GALNT14: variants seen among roughly 807,000 people sequenced by gnomAD.
GALNT14 encodes the protein UDP-GalNAc:polypeptide N-acetylgalactosaminyltransferase 14.
In GALNT14, 60 loss-of-function variants were observed where a neutral mutation model predicts 77.5. The observed-to-expected ratio is 0.77, with a 90% CI of 0.63 to 0.96. The LOEUF is 0.96. Among genes scored for constraint, GALNT14 ranks in the 40% least tolerant of loss-of-function variants. The probability of loss-of-function intolerance (pLI) is 0.00; values close to 1 mark genes in which losing one functional copy is unlikely to be tolerated. For missense variants in GALNT14, 710 were observed against 731.0 expected, an observed-to-expected ratio of 0.97 and a Z score of 0.33; for synonymous variants, 280 against 281.7, an observed-to-expected ratio of 0.99 and a Z score of 0.06.
chr2:31,018,896 G>A (rs990484228), intron 1 of GALNT14, among the ~76,000 whole-genome samples: 5 of 152,192 alleles, frequency 3.3e-5, no homozygotes, highest in South Asian at 4.1e-4. Context: ...GCCCTGCAGA[G>A]CACAGAGAGC....
chr2:31,067,268 T>C (rs2148555024), intron 1 of GALNT14, among the ~76,000 whole-genome samples: 1 of 152,228 alleles, frequency 6.6e-6, no homozygotes, highest in African/African-American at 2.4e-5. Flanking sequence ...AGCAGGAACC[T>C]CTGAACTTCC....
At position 31,020,273 on chromosome 2, in the gene GALNT14, T is replaced by C. The variant is rs77106253; in HGVS notation, c.130-27266A>G. Among the ~76,000 whole-genome samples, 1,129 of 152,258 alleles carry C rather than the reference T, an allele frequency of 7.4e-3. 15 individuals are homozygous for C. The highest frequency in any genetic ancestry group is 0.026 in the African/African-American group (1,080 of 41,514). On this transcript the variant is annotated intron_variant, in intron 1 of 14. Transcript: ENST00000349752. ...TTTAATTATGTTCATTAAAAGGAGA[T>C]TGAACCAAAAATGAAGCTCAATGGA...
intron 1 of GALNT14, among the ~76,000 whole-genome samples, chr2:31,123,687 T>G (rs770384017): frequency 6.6e-6 from 1 of 152,184 alleles, no homozygotes. Context: ...AGATTAAACT[T>G]CAACCACAGT....
At chr2:30,909,304 T>C (rs941039796), downstream of GALNT14, among the ~76,000 whole-genome samples, 2 of 150,742 alleles carry the variant, frequency 1.3e-5, no homozygotes, top group Non-Finnish European at 3.0e-5. Context: ...TTTCGCAACC[T>C]ACTCATCTGA....
intron 1 of GALNT14, among the ~76,000 whole-genome samples, chr2:31,055,689 T>C (rs968103886): frequency 7.2e-5 from 11 of 152,110 alleles, no homozygotes; most frequent in African/African-American, 2.7e-4. Context: ...TGGCAACGGA[T>C]CCCTAGAGTA....
chr2:31,119,237 A>G (rs2148635298), intron 1 of GALNT14, among the ~76,000 whole-genome samples: 1 of 152,326 alleles, frequency 6.6e-6, no homozygotes, highest in South Asian at 2.1e-4. Context: ...TTTCAAAGCC[A>G]AAAAGTTATA....
At chr2:30,915,733 C>G (rs78022319) in intron 13 of GALNT14, among the ~76,000 whole-genome samples, 4,081 of 152,230 alleles carry the variant, frequency 0.027, 191 homozygotes, top group African/African-American at 0.091. Flanking sequence ...AAGCCTAGCC[C>G]ATGATGGAGG....
At chr2:31,120,655 C>G (rs1678363901) in intron 1 of GALNT14, among the ~76,000 whole-genome samples, 1 of 152,134 alleles carries the variant, frequency 6.6e-6, no homozygotes, top group Non-Finnish European at 1.5e-5. Flanking sequence ...CTCCTGGGCT[C>G]AAGTGATTCT....
Position 30,990,981 on chromosome 2 carries a change from C to T in GALNT14, c.299+1857G>A, listed in dbSNP as rs868247331. On this transcript the variant is annotated intron_variant, in intron 2 of 14. Coordinates refer to ENST00000349752, the MANE Select transcript of GALNT14 (RefSeq NM_024572.4). ...AGGTGCAAAGCCCGGAACTGGACACCGTGAGCTGGGCTCCTTGGAAACAGG... is the reference window on the plus strand; with the variant it reads ...AGGTGCAAAGCCCGGAACTGGACACTGTGAGCTGGGCTCCTTGGAAACAGG... Among the ~76,000 whole-genome samples the T allele has an allele frequency of 9.2e-5, 14 of 152,204 alleles. No individual in the cohort carries two copies. In the South Asian group the frequency reaches 1.0e-3, roughly 11 times the overall value.
intron 2 of GALNT14, among the ~76,000 whole-genome samples, chr2:30,966,555 T>G (rs573362792): frequency 6.6e-4 from 100 of 152,198 alleles, no homozygotes; most frequent in African/African-American, 2.2e-3. Context: ...ACGAATTGAG[T>G]TGATATACTG....
At chr2:31,095,867 C>T (rs1169969166) in intron 1 of GALNT14, among the ~76,000 whole-genome samples, 1 of 152,126 alleles carries the variant, frequency 6.6e-6, no homozygotes, top group African/African-American at 2.4e-5. Context: ...CAAATCACCT[C>T]AAACTTGGTA....
chr2:31,018,103 T>C (rs1230508677), intron 1 of GALNT14, among the ~76,000 whole-genome samples: 1 of 152,202 alleles, frequency 6.6e-6, no homozygotes, highest in Non-Finnish European at 1.5e-5. Context: ...TGATGATGTG[T>C]AAGCAGAAGA....
the GALNT14 span, among the ~76,000 whole-genome samples, chr2:30,904,801 A>C: frequency 2.0e-5 from 3 of 152,210 alleles, no homozygotes; most frequent in East Asian, 5.8e-4. Flanking sequence ...CTGCAGACTT[A>C]AATGTCCCTG....
At chr2:30,970,575 G>C (rs4952009) in intron 2 of GALNT14, among the ~76,000 whole-genome samples, 2,755 of 152,136 alleles carry the variant, frequency 0.018, 37 homozygotes, top group East Asian at 0.055. Flanking sequence ...GAAAAGGAAA[G>C]GACCATGGAG....
At chr2:31,031,462 G>A (rs1672406741) in intron 1 of GALNT14, among the ~76,000 whole-genome samples, 1 of 152,094 alleles carries the variant, frequency 6.6e-6, no homozygotes, top group Non-Finnish European at 1.5e-5. Context: ...GGCTCACTAA[G>A]ATGACTAAAA....
At chr2:31,005,878 G>T (rs767080604) in intron 1 of GALNT14, among the ~76,000 whole-genome samples, 4 of 152,358 alleles carry the variant, frequency 2.6e-5, no homozygotes, top group Admixed American at 6.5e-5. Flanking sequence ...CAGCTTAGAA[G>T]GCTAGAAATT....
At chr2:31,120,551 C>A (rs1007037078) in intron 1 of GALNT14, among the ~76,000 whole-genome samples, 2 of 152,068 alleles carry the variant, frequency 1.3e-5, no homozygotes, top group African/African-American at 4.8e-5. Context: ...AAATTAGTAT[C>A]CTACCATGAA....
At chr2:31,051,387 C>T (rs1673856324) in intron 1 of GALNT14, among the ~76,000 whole-genome samples, 1 of 152,138 alleles carries the variant, frequency 6.6e-6, no homozygotes, top group African/African-American at 2.4e-5. Context: ...TGGGCCTCAC[C>T]CAATCAGTTA....
chr2:31,039,486 G>A (rs955411584), intron 1 of GALNT14, among the ~76,000 whole-genome samples: 4 of 152,124 alleles, frequency 2.6e-5, no homozygotes, highest in Admixed American at 1.3e-4. Context: ...GAATCGGGCC[G>A]GCTTACCAAT....
Sources: allele counts gnomAD v4.1 joint callset (sites outside exome capture counted in the v4.1 genomes callset), GRCh38; gene constraint gnomAD v4.1.1; transcripts MANE v1.5; gene names NCBI Gene and HGNC (gene_info 2026-07-23, HGNC 2026-07-21).